The following FKBP3 variants were observed in gnomAD, a reference collection of about 807,000 sequenced individuals.
FKBP3 encodes the protein FKBP prolyl isomerase 3.
A neutral mutation model predicts 30.6 loss-of-function variants in FKBP3; 21 were observed. That is an observed-to-expected ratio of 0.69 (90% CI 0.49 to 0.99). FKBP3 has a LOEUF of 0.99. FKBP3 is among the 50% of genes least tolerant of loss of function. FKBP3 has a pLI of 0.00. For missense variants in FKBP3, 283 were observed against 261.6 expected (o/e 1.08, Z -0.56); for synonymous variants, 82 against 91.3 (o/e 0.90, Z 0.58).
At chr14:45,121,322 T>A (rs1233054985) in intron 4 of FKBP3, among the ~76,000 whole-genome samples, 163 bp downstream of exon 4, 2 of 152,190 alleles carry the variant, frequency 1.3e-5, no homozygotes, top group Non-Finnish European at 2.9e-5. Context: ...CAGCCAATAA[T>A]CAGTGAACTG....
Position 45,115,866 on chromosome 14 carries a change from CAAT to C in FKBP3, c.*329_*331del. On this transcript the variant is annotated 3_prime_UTR_variant, in exon 7 of 7. Transcript: ENST00000396062. ...CTTAGTTCCAATTCCCTAATCAGAA[CAAT>C]AATATATTAACACCAAACAAATCAC... is the stretch of plus-strand genomic sequence containing the variant. 4.9e-6 allele frequency: 1 copy of C among 205,604 alleles called. No homozygotes were observed. Among genetic ancestry groups the C allele is most frequent in the East Asian group, 9.9e-5 (1 of 10,142 alleles). The allele number at this position is 205,604 out of a possible 1,614,324, so 12.7% of individuals were successfully genotyped here.
At chr14:45,132,572 TG>T (rs1885241975) in intron 1 of FKBP3, among the ~76,000 whole-genome samples, 1 of 151,896 alleles carries the variant, frequency 6.6e-6, no homozygotes, top group African/African-American at 2.4e-5. Flanking sequence ...TAATTTTTTT[TG>T]TATTTTTAGT....
intron 5 of FKBP3, among the ~76,000 whole-genome samples, chr14:45,119,452 C>T (rs1349108395): frequency 6.6e-6 from 1 of 151,852 alleles, no homozygotes; most frequent in African/African-American, 2.4e-5. Context: ...GCCTGTAATC[C>T]CAGCTATTCG....
chr14:45,128,538 A>G (rs1885148572), intron 3 of FKBP3, among the ~76,000 whole-genome samples: 1 of 152,222 alleles, frequency 6.6e-6, no homozygotes, highest in South Asian at 2.1e-4. Flanking sequence ...AAAAGGTTTT[A>G]TGATTATATG....
At chr14:45,121,750 C>T (rs775809882) in intron 3 of FKBP3, 130 bp from the exon 4 acceptor site, 10 of 973,390 alleles carry the variant, frequency 1.0e-5, no homozygotes, top group South Asian at 3.8e-5. Context: ...AATAAACAAA[C>T]AAAACCCTCA....
Position 45,130,781 on chromosome 14 carries a change from A to G in FKBP3, c.128T>C (p.Leu43Ser), listed in dbSNP as rs1028673297. ...GGCCACATTTTTAATGTTTCCTAAT[A>G]ATTTATGTTCTGCAAGAAACTATAA... is the stretch of plus-strand genomic sequence containing the variant. ...GSDSFLAEHK[L>S]LGNIKNVAKT... The change falls in exon 2 of 7, where the codon TTA becomes TCA. Residue 43 changes from leucine to serine, a missense_variant. By Grantham distance (145) the Leu-to-Ser change is moderately radical (BLOSUM62 -2). Transcript: ENST00000396062. The G allele has an allele frequency of 6.2e-7, 1 of 1,608,958 alleles. No individual in the cohort carries two copies. The highest frequency in any genetic ancestry group is 8.5e-7 in the Non-Finnish European group (1 of 1,177,226).
chr14:45,121,969 T>C (rs1230823323), intron 3 of FKBP3, among the ~76,000 whole-genome samples: 1 of 152,170 alleles, frequency 6.6e-6, no homozygotes, highest in Non-Finnish European at 1.5e-5. Flanking sequence ...GGCATTAAAA[T>C]AAGGGATGGT....
chr14:45,118,004 A>G, intron 6 of FKBP3, 24 bp downstream of exon 6: 1 of 1,501,232 alleles, frequency 6.7e-7, no homozygotes, highest in South Asian at 1.2e-5. Context: ...TTCAACTTTA[A>G]TTATGAAGGG....
At chr14:45,119,475 A>G (rs1284295778) in intron 5 of FKBP3, among the ~76,000 whole-genome samples, 2 of 151,968 alleles carry the variant, frequency 1.3e-5, no homozygotes, top group Middle Eastern at 3.4e-3. Context: ...AGGCTGAGGC[A>G]GGAGAATCGC....
At chr14:45,131,023 A>G (rs1885202728) in intron 1 of FKBP3, 1 of 402,062 alleles carries the variant, frequency 2.5e-6, no homozygotes, top group Admixed American at 4.2e-5. Context: ...CTGTAGTGTT[A>G]TGTACTGAAC....
chr14:45,120,511 A>G (rs1182228808), intron 5 of FKBP3, among the ~76,000 whole-genome samples: 2 of 152,238 alleles, frequency 1.3e-5, no homozygotes, highest in Admixed American at 6.5e-5. Flanking sequence ...TACAACAGTT[A>G]TAAGACATTT....
At chr14:45,131,628 CAAA>C (rs536298530) in intron 1 of FKBP3, among the ~76,000 whole-genome samples, 1 of 39,492 alleles carries the variant, frequency 2.5e-5, no homozygotes. Flanking sequence ...GACTCTGTCT[CAAA>C]AAAAAAAAAA....
Position 45,121,589 on chromosome 14 carries a change from T to C in FKBP3, c.350A>G (p.Lys117Arg). ...GGGAAAGTTGGTTTTATCTCCCTTTTTCAGAACAGATTTAGTATATTTTGG... is the reference window on the plus strand; with the variant it reads ...GGGAAAGTTGGTTTTATCTCCCTTTCTCAGAACAGATTTAGTATATTTTGG... ...GPPKYTKSVL[K>R]KGDKTNFPKK... Residue 117 changes from lysine to arginine, a missense_variant, in exon 4 of 7, where the codon AAA becomes AGA. By Grantham distance (26) the Lys-to-Arg change is conservative. Coordinates refer to ENST00000396062, the MANE Select transcript of FKBP3 (RefSeq NM_002013.4). The C allele has an allele frequency of 6.2e-7, 1 of 1,613,746 alleles. No individual in the cohort carries two copies. Among genetic ancestry groups the C allele is most frequent in the Non-Finnish European group, 8.5e-7 (1 of 1,179,814 alleles).
intron 5 of FKBP3, among the ~76,000 whole-genome samples, chr14:45,119,589 G>A (rs1485426811): frequency 6.6e-6 from 1 of 151,706 alleles, no homozygotes; most frequent in Non-Finnish European, 1.5e-5. Context: ...GAATACGGTA[G>A]ACTAGAAGAA....
At chr14:45,116,615 G>A (rs1407541340) in intron 6 of FKBP3, among the ~76,000 whole-genome samples, 1 of 152,070 alleles carries the variant, frequency 6.6e-6, no homozygotes, top group African/African-American at 2.4e-5. Context: ...CACCACTTTA[G>A]GAGGCTGAGG....
chr14:45,119,505 G>T (rs2139076945), intron 5 of FKBP3, among the ~76,000 whole-genome samples: 1 of 151,872 alleles, frequency 6.6e-6, no homozygotes, highest in South Asian at 2.1e-4. Flanking sequence ...GGAGACAGAG[G>T]TTGCAGTAAG....
chr14:45,130,542 G>A lies in FKBP3; in HGVS notation c.210+157C>T, dbSNP rs770160897. 1.2e-4 allele frequency among the ~76,000 whole-genome samples: 18 copies of A among 152,200 alleles called. No homozygotes were observed. Among genetic ancestry groups the A allele is most frequent in the Non-Finnish European group, 4.4e-5 (3 of 68,026 alleles). On this transcript the variant is annotated intron_variant, in intron 2 of 6. Transcript: ENST00000396062. ...TTCTGCCATACTGCAGATTAGCCTTGCTAGATTTGACAGCTAGTCCACTTA... is the reference window on the plus strand; with the variant it reads ...TTCTGCCATACTGCAGATTAGCCTTACTAGATTTGACAGCTAGTCCACTTA...
chr14:45,132,736 AGACTAT>A (rs952931067), intron 1 of FKBP3, among the ~76,000 whole-genome samples: 7 of 152,244 alleles, frequency 4.6e-5, no homozygotes, highest in African/African-American at 1.4e-4. Context: ...CGACCGACCG[AGACTAT>A]GCATTTAAAA....
chr14:45,129,834 T>C lies in FKBP3; in HGVS notation c.278A>G (p.Asp93Gly), dbSNP rs1210606057. ...TTCAGACTTGGTTTCTTTGGGTTTA[T>C]CTTCATTAAGCTTCACATTTTTTAC... ...EQVKNVKLNEDKPKETKSEET... is the reference protein window; with the variant it reads ...EQVKNVKLNEGKPKETKSEET... The change falls in exon 3 of 7, where the codon GAT becomes GGT. Residue 93 changes from aspartate to glycine, a missense_variant. Coordinates refer to ENST00000396062, the MANE Select transcript of FKBP3 (RefSeq NM_002013.4). 1.9e-6 allele frequency: 3 copies of C among 1,613,136 alleles called. No homozygotes were observed. Among genetic ancestry groups the C allele is most frequent in the Non-Finnish European group, 2.5e-6 (3 of 1,179,484 alleles).
Sources: allele counts gnomAD v4.1 joint callset (sites outside exome capture counted in the v4.1 genomes callset), GRCh38; gene constraint gnomAD v4.1.1; transcripts MANE v1.5; gene names NCBI Gene and HGNC (gene_info 2026-07-23, HGNC 2026-07-21).